TBX19: variants seen among roughly 807,000 people sequenced by gnomAD.
TBX19 encodes the protein T-box transcription factor TBX19.
Under a neutral mutation model 40.9 loss-of-function variants are expected in TBX19, and 33 were observed. The observed-to-expected ratio is 0.81, with a 90% CI of 0.61 to 1.08. The LOEUF is 1.08. TBX19 is among the 50% of genes least tolerant of loss of function. TBX19 has a pLI of 0.00. For missense variants in TBX19, 494 were observed against 574.0 expected (o/e 0.86, Z 1.42); for synonymous variants, 220 against 225.0 (o/e 0.98, Z 0.20).
At chr1:168,283,280 G>A (rs1648709354) in intron 1 of TBX19, among the ~76,000 whole-genome samples, 1 of 152,140 alleles carries the variant, frequency 6.6e-6, no homozygotes, top group Non-Finnish European at 1.5e-5. Flanking sequence ...TCTTATCTAT[G>A]GATGTCCTGC....
rs532408710 is a variant in TBX19, at chr1:168,301,269, T to TC, written c.727+787dup. Among the ~76,000 whole-genome samples the TC allele has an allele frequency of 2.2e-3, 316 of 145,996 alleles. 1 individual carries two copies. The highest frequency in any genetic ancestry group is 3.4e-3 in the Middle Eastern group (1 of 290). On this transcript the variant is annotated intron_variant, in intron 5 of 7. Transcript: ENST00000367821. ...AGAGAAGCAGCTCTCAGAAAAGCAC[T>TC]CTTTTTTTTTTGAGATGGAGTCTCG...
At chr1:168,284,754 G>C (rs1049497349) in intron 1 of TBX19, among the ~76,000 whole-genome samples, 1 of 122,672 alleles carries the variant, frequency 8.2e-6, no homozygotes, top group African/African-American at 3.2e-5. Context: ...GGGCAACAGA[G>C]TGAGACCGTG....
chr1:168,305,097 C>T lies in TBX19; in HGVS notation c.817C>T (p.Pro273Ser), dbSNP rs760233727. The change falls in exon 6 of 8, where the codon CCC (proline) becomes TCC (serine). Residue 273 changes from proline (P) to serine (S), a missense_variant. Pro to Ser is a moderately conservative substitution (Grantham distance 74). Transcript: ENST00000367821. Reference protein sequence around the residue: ...QYAAPLPLPAPHTHHGCEHYS... With the variant: ...QYAAPLPLPASHTHHGCEHYS... ...TGCCGCTCCTCTGCCTCTGCCTGCTCCCCACACCCACCATGGCTGTGAGCA... is the reference window on the plus strand; with the variant it reads ...TGCCGCTCCTCTGCCTCTGCCTGCTTCCCACACCCACCATGGCTGTGAGCA... 3.1e-6 allele frequency: 5 copies of T among 1,614,034 alleles called. No homozygotes were observed. The highest frequency in any genetic ancestry group is 3.4e-6 in the Non-Finnish European group (4 of 1,180,042).
intron 3 of TBX19, 74 bp downstream of exon 3, chr1:168,293,352 G>A: frequency 6.6e-7 from 1 of 1,505,924 alleles, no homozygotes; most frequent in Non-Finnish European, 8.9e-7. Context: ...GATCATGGCA[G>A]GATGGGCGGG....
rs534224576 is a variant in TBX19, at chr1:168,302,751, C to A, written c.728-2257C>A. 2.0e-5 allele frequency among the ~76,000 whole-genome samples: 3 copies of A among 152,190 alleles called. No homozygotes were observed. The South Asian group carries it at 6.2e-4, about 32-fold the overall frequency. On this transcript the variant is annotated intron_variant, in intron 5 of 7. Coordinates refer to ENST00000367821, the MANE Select transcript of TBX19 (RefSeq NM_005149.3). ...GTTGTGCTAGGCCAGCTCTCCCTTT[C>A]TGTGCTGTCAGAATTCTCTTTGTGG... is the stretch of plus-strand genomic sequence containing the variant.
At position 168,308,899 on chromosome 1, in the gene TBX19, C is replaced by T. The variant is rs772555664; in HGVS notation, c.1052+22C>T. On this transcript the variant is annotated intron_variant, in intron 7 of 7. Transcript: ENST00000367821. The stretch of plus-strand genomic sequence containing the variant: ...CCAGGTAAGACCAACACCATCAACT[C>T]GCTCATTGGTCGTCTTGGGGGTTTA... 6 of 1,613,980 alleles carry T rather than the reference C, an allele frequency of 3.7e-6. No individual in the cohort carries two copies. The African/African-American group carries it at 4.0e-5, about 11-fold the overall frequency.
chr1:168,282,503 A>G (rs1471578846), intron 1 of TBX19, among the ~76,000 whole-genome samples: 1 of 152,028 alleles, frequency 6.6e-6, no homozygotes, highest in East Asian at 1.9e-4. Context: ...TGATTTTTAT[A>G]TTTTCTTTCT....
chr1:168,305,713 A>G (rs527809784), intron 6 of TBX19, among the ~76,000 whole-genome samples: 32 of 152,204 alleles, frequency 2.1e-4, no homozygotes, highest in Non-Finnish European at 3.8e-4. Flanking sequence ...GTATTTTAAA[A>G]TAATTTTTGC....
At chr1:168,312,204 A>G (rs1379843169) in intron 7 of TBX19, among the ~76,000 whole-genome samples, 1 of 152,214 alleles carries the variant, frequency 6.6e-6, no homozygotes, top group Non-Finnish European at 1.5e-5. Context: ...TTATGAATCC[A>G]CATCTTGAAG....
At chr1:168,305,888 T>A (rs926094084) in intron 6 of TBX19, among the ~76,000 whole-genome samples, 3 of 152,204 alleles carry the variant, frequency 2.0e-5, no homozygotes, top group Non-Finnish European at 2.9e-5. Context: ...AAATTATTCA[T>A]GCAACAAATA....
intron 5 of TBX19, among the ~76,000 whole-genome samples, chr1:168,302,704 A>AC (rs1558193824): frequency 6.6e-6 from 1 of 151,820 alleles, no homozygotes; most frequent in East Asian, 1.9e-4. Context: ...CCAAAAAAAA[A>AC]CCCCAAAATG....
intron 7 of TBX19, among the ~76,000 whole-genome samples, chr1:168,309,192 G>A (rs1488030191): frequency 6.6e-6 from 1 of 152,112 alleles, no homozygotes; most frequent in Non-Finnish European, 1.5e-5. Context: ...GGCCAACATA[G>A]TGTAACCCCA....
rs142648227 is a variant in TBX19 at position 168,291,344 on chromosome 1, A to G, written c.388A>G (p.Asn130Asp). ...CGTCTACATTCACCCGGACTCCCCC[A>G]ACTTTGGGGCCCACTGGATGAAAGC... is the stretch of plus-strand genomic sequence containing the variant. ...SCVYIHPDSP[N>D]FGAHWMKAPI... is the part of the protein sequence containing the mutation. Residue 130 changes from asparagine (N) to aspartate (D), a missense_variant, in exon 2 of 8, where the codon AAC (asparagine) becomes GAC (aspartate). Coordinates refer to ENST00000367821, the MANE Select transcript of TBX19 (RefSeq NM_005149.3). 1.2e-6 allele frequency: 2 copies of G among 1,614,164 alleles called. No homozygotes were observed. The highest frequency in any genetic ancestry group is 1.7e-6 in the Non-Finnish European group (2 of 1,180,016).
intron 1 of TBX19, among the ~76,000 whole-genome samples, chr1:168,290,818 G>A (rs1441162204): frequency 6.6e-6 from 1 of 152,170 alleles, no homozygotes; most frequent in Non-Finnish European, 1.5e-5. Flanking sequence ...GTTGGGAAGG[G>A]CTGGTCAGTG....
At chr1:168,305,514 A>G (rs948877011) in intron 6 of TBX19, among the ~76,000 whole-genome samples, 3 of 152,132 alleles carry the variant, frequency 2.0e-5, no homozygotes, top group African/African-American at 7.2e-5. Context: ...AGCCATGTCA[A>G]GTTGTGTGGG....
Position 168,291,409 on chromosome 1 carries a change from C to T in TBX19, c.453C>T (p.Leu151=), listed in dbSNP as rs1648936115. The T allele has an allele frequency of 1.2e-6, 2 of 1,614,204 alleles. No homozygotes were observed. The highest frequency in any genetic ancestry group is 1.7e-6 in the Non-Finnish European group (2 of 1,180,032). ...SFSKVKLTNK[L]NGGGQIMLNS... ...GCAAAGTGAAGCTGACCAACAAGCT[C>T]AATGGAGGCGGGCAGGTACGAATGA... The change falls in exon 2 of 8, where the codon CTC becomes CTT. Residue 151 remains leucine, a synonymous_variant. Transcript: ENST00000367821.
chr1:168,304,899 C>A, intron 5 of TBX19, 109 bp from the exon 6 acceptor site: 2 of 1,103,374 alleles, frequency 1.8e-6, no homozygotes, highest in Non-Finnish European at 1.4e-6. Flanking sequence ...CACAGGCTGG[C>A]ATCAGTGTCA....
In TBX19 at chr1:168,291,119, T is replaced by C. The variant is rs767064815; in HGVS notation, c.204-41T>C. ...CCCCTGGACAAGGTGAGAGTTCCTCTAACGTCCCTCCTGTGGCTAAGTTTC... is the reference window on the plus strand; with the variant it reads ...CCCCTGGACAAGGTGAGAGTTCCTCCAACGTCCCTCCTGTGGCTAAGTTTC... On this transcript the variant is annotated intron_variant, in intron 1 of 7. Transcript: ENST00000367821. 14 of 1,613,368 alleles carry C rather than the reference T, an allele frequency of 8.7e-6. No homozygotes were observed. The East Asian group carries it at 2.5e-4, about 28-fold the overall frequency.
intron 1 of TBX19, among the ~76,000 whole-genome samples, chr1:168,286,776 T>G (rs749783683): frequency 7.2e-5 from 11 of 152,234 alleles, no homozygotes; most frequent in Non-Finnish European, 1.6e-4. Flanking sequence ...TGAGAAACTG[T>G]ATATTTAACC....
Sources: allele counts gnomAD v4.1 joint callset (sites outside exome capture counted in the v4.1 genomes callset), GRCh38; gene constraint gnomAD v4.1.1; transcripts MANE v1.5; gene names NCBI Gene and HGNC (gene_info 2026-07-23, HGNC 2026-07-21).